The following HM13 variants were observed in gnomAD, a reference collection of about 807,000 sequenced individuals.
HM13 encodes the protein signal peptide peptidase.
Under a neutral mutation model 50.0 loss-of-function variants are expected in HM13, and 18 were observed. That is an observed-to-expected ratio of 0.36 (90% CI 0.25 to 0.53). The LOEUF (loss-of-function observed/expected upper bound fraction) is 0.53, where lower values mean the gene tolerates loss of function less well. Ranked by LOEUF, HM13 falls within the 20% of genes least tolerant of loss-of-function variation. The pLI, the probability that HM13 is intolerant of heterozygous loss-of-function variation, is 0.90. For missense variants in HM13, 393 were observed against 552.4 expected, an observed-to-expected ratio of 0.71 and a Z score of 2.89; for synonymous variants, 197 against 232.6, an observed-to-expected ratio of 0.85 and a Z score of 1.39.
At chr20:31,555,026 G>A (rs1028182460) in intron 8 of HM13, among the ~76,000 whole-genome samples, 197 bp downstream of exon 8, 4 of 152,230 alleles carry the variant, frequency 2.6e-5, no homozygotes, top group African/African-American at 9.6e-5. Context: ...CCCAAGCTGG[G>A]TCCTGGTCAG....
chr20:31,562,723 C>A (rs1600669335), intron 10 of HM13: 1 of 152,152 alleles, frequency 6.6e-6, no homozygotes, highest in Non-Finnish European at 1.5e-5. Context: ...AACTCTTTTG[C>A]TAATAACTCA....
At chr20:31,533,091 C>T (rs968164669) in intron 2 of HM13, among the ~76,000 whole-genome samples, 3 of 152,234 alleles carry the variant, frequency 2.0e-5, no homozygotes, top group Non-Finnish European at 4.4e-5. Context: ...TCCCCCCTGA[C>T]ATCTGGCTGG....
intron 1 of HM13, among the ~76,000 whole-genome samples, chr20:31,526,513 T>C (rs991059059): frequency 2.0e-5 from 3 of 152,186 alleles, no homozygotes; most frequent in Non-Finnish European, 4.4e-5. Context: ...TGTTACTCCA[T>C]TTTCAATTCT....
At chr20:31,543,809 C>T (rs1421414539) in intron 3 of HM13, among the ~76,000 whole-genome samples, 1 of 151,912 alleles carries the variant, frequency 6.6e-6, no homozygotes, top group East Asian at 2.0e-4. Context: ...TGGCGGGTGC[C>T]TATAGTCCCA....
chr20:31,525,008 C>T (rs530653890), intron 1 of HM13, among the ~76,000 whole-genome samples: 3 of 152,182 alleles, frequency 2.0e-5, no homozygotes, highest in East Asian at 1.9e-4. Context: ...CCATTGTGCC[C>T]GGCCTCTGTG....
intron 2 of HM13, among the ~76,000 whole-genome samples, chr20:31,536,759 T>G (rs1205027102): frequency 6.6e-6 from 1 of 152,110 alleles, no homozygotes; most frequent in East Asian, 1.9e-4. Flanking sequence ...CTCCCTTCGT[T>G]TATGACGCTC....
chr20:31,560,881 A>T (rs1360503123), intron 9 of HM13, among the ~76,000 whole-genome samples: 1 of 152,228 alleles, frequency 6.6e-6, no homozygotes, highest in East Asian at 1.9e-4. Flanking sequence ...AGAAGCACTC[A>T]TTCATTCCAC....
intron 7 of HM13, among the ~76,000 whole-genome samples, chr20:31,551,955 G>A (rs543681239): frequency 6.6e-6 from 1 of 152,324 alleles, no homozygotes; most frequent in South Asian, 2.1e-4. Context: ...TGGCCCATGA[G>A]CCAGACACTC....
chr20:31,538,126 T>C (rs374566943), intron 2 of HM13, 53 bp from the exon 3 acceptor site: 1 of 1,602,256 alleles, frequency 6.2e-7, no homozygotes, highest in Non-Finnish European at 8.5e-7. Flanking sequence ...TCTGGTTTCC[T>C]CACAGCCACT....
At chr20:31,537,988 G>A (rs1355385634) in intron 2 of HM13, among the ~76,000 whole-genome samples, 191 bp from the exon 3 acceptor site, 1 of 152,160 alleles carries the variant, frequency 6.6e-6, no homozygotes, top group South Asian at 2.1e-4. Flanking sequence ...ACAGCTGGGG[G>A]CTTGAGGTTT....
At chr20:31,544,869 G>A (rs1220815540) in intron 3 of HM13, 78 bp from the exon 4 acceptor site, 3 of 1,139,182 alleles carry the variant, frequency 2.6e-6, no homozygotes, top group Non-Finnish European at 4.0e-6. Flanking sequence ...GGTGCCAGCT[G>A]TAAATGGGGC....
Position 31,549,258 on chromosome 20 carries a change from G to C in HM13, c.592G>C (p.Glu198Gln), listed in dbSNP as rs780168064. 6.2e-7 allele frequency: 1 copy of C among 1,614,196 alleles called. No individual in the cohort carries two copies. The highest frequency in any genetic ancestry group is 1.7e-5 in the Admixed American group (1 of 60,018). The change falls in exon 6 of 13, where the codon GAG becomes CAG. Residue 198 changes from glutamate to glutamine, a missense_variant. This residue lies in a region of HM13 where 214 missense variants were observed against 276.1 expected (regional missense o/e 0.77). Coordinates refer to ENST00000398174, the MANE Select transcript of HM13 (RefSeq NM_178581.3). Reference sequence around the variant, plus strand: ...CCTGGCCTTCTCCCTTAATGGAGTAGAGCTCCTGCACCTCAACAATGTCAG... The same window carrying C: ...CCTGGCCTTCTCCCTTAATGGAGTACAGCTCCTGCACCTCAACAATGTCAG... ...FGLAFSLNGVELLHLNNVSTG... is the reference protein window; with the variant it reads ...FGLAFSLNGVQLLHLNNVSTG...
intron 2 of HM13, 49 bp downstream of exon 2, chr20:31,527,631 T>C: frequency 8.1e-7 from 1 of 1,240,902 alleles, no homozygotes; most frequent in South Asian, 1.3e-5. Context: ...TGACTTTATC[T>C]TATTTTGTTT....
intron 3 of HM13, among the ~76,000 whole-genome samples, chr20:31,544,744 G>A (rs919051189): frequency 6.6e-6 from 1 of 152,238 alleles, no homozygotes; most frequent in African/African-American, 2.4e-5. Context: ...TTGAGTCTTA[G>A]CTGAGATATA....
chr20:31,555,217 C>T (rs1292549580), intron 8 of HM13, among the ~76,000 whole-genome samples: 1 of 152,222 alleles, frequency 6.6e-6, no homozygotes, highest in Non-Finnish European at 1.5e-5. Flanking sequence ...ATACCCCTTC[C>T]CAGCATCTGC....
intron 7 of HM13, among the ~76,000 whole-genome samples, chr20:31,550,845 AC>A (rs1411062520): frequency 2.6e-5 from 4 of 152,156 alleles, no homozygotes; most frequent in Non-Finnish European, 4.4e-5. Flanking sequence ...GAGTGGTAAC[AC>A]ACATCTGTAG....
intron 1 of HM13, among the ~76,000 whole-genome samples, chr20:31,522,554 CA>C (rs35963745): frequency 2.1e-4 from 24 of 114,920 alleles, no homozygotes; most frequent in East Asian, 4.1e-4. Context: ...TAAAAAAAAA[CA>C]AAAAAAAAAA....
intron 8 of HM13, among the ~76,000 whole-genome samples, chr20:31,559,006 C>T (rs1287464220): frequency 4.6e-5 from 7 of 152,218 alleles, no homozygotes; most frequent in Admixed American, 2.6e-4. Context: ...GCAACCTCCA[C>T]TTCCTGGGTT....
chr20:31,566,994 C>G (rs1984957146), intron 11 of HM13, among the ~76,000 whole-genome samples: 1 of 152,274 alleles, frequency 6.6e-6, no homozygotes, highest in South Asian at 2.1e-4. Flanking sequence ...CCGCCCAGTT[C>G]CACCTGCCTG....
Sources: gnomAD v4.1 joint callset for allele counts (sites outside exome capture counted in the v4.1 genomes callset) on GRCh38, gnomAD v4.1.1 for gene constraint, gnomAD v4.1.1 regional missense constraint, MANE v1.5 for transcripts, NCBI Gene and HGNC (gene_info 2026-07-23, HGNC 2026-07-21) for gene names.